The following ACVR1 variants were observed in gnomAD, a reference collection of about 807,000 sequenced individuals.
ACVR1 encodes the protein activin A receptor type 1.
A neutral mutation model predicts 57.1 loss-of-function variants in ACVR1; 38 were observed. The observed-to-expected ratio is 0.67, with a 90% CI of 0.51 to 0.87. The LOEUF is 0.87. Among genes scored for constraint, ACVR1 ranks in the 40% least tolerant of loss-of-function variants. ACVR1 has a pLI of 0.00. For synonymous variants in ACVR1, 212 were observed against 228.1 expected (o/e 0.93, Z 0.63); for missense variants, 463 against 638.2 (o/e 0.73, Z 2.96).
At chr2:157,826,759 A>AG (rs1399055413) in intron 1 of ACVR1, 6 of 102,266 alleles carry the variant, frequency 5.9e-5, no homozygotes, top group South Asian at 3.3e-4. Context: ...AGGAAAGGAA[A>AG]GGAAAGGAAA....
intron 1 of ACVR1, among the ~76,000 whole-genome samples, chr2:157,872,252 G>C (rs530861626): frequency 5.9e-5 from 9 of 152,302 alleles, no homozygotes; most frequent in African/African-American, 1.9e-4. Flanking sequence ...TAAAATTTCT[G>C]ATGGCTTTAT....
At position 157,742,435 on chromosome 2, in the gene ACVR1, G is replaced by A. The variant is rs761006363; in HGVS notation, c.1265-3865C>T. Among the ~76,000 whole-genome samples the A allele has an allele frequency of 7.2e-5, 11 of 152,154 alleles. No homozygotes were observed. The East Asian group carries it at 7.7e-4, about 11-fold the overall frequency. On this transcript the variant is annotated intron_variant, in intron 9 of 10. Transcript: ENST00000434821. ...CCAGGCCTCGCCTCCCATGTAAGGCGGCCAGCGTGACTCAAAGGGCCACGA... is the reference window on the plus strand; with the variant it reads ...CCAGGCCTCGCCTCCCATGTAAGGCAGCCAGCGTGACTCAAAGGGCCACGA...
chr2:157,758,011 TCCC>T (rs938921385), intron 9 of ACVR1, among the ~76,000 whole-genome samples: 4 of 150,734 alleles, frequency 2.7e-5, no homozygotes, highest in East Asian at 2.0e-4. Context: ...ACAGATTAAA[TCCC>T]CCCAATTAAA....
chr2:157,796,462 G>A (rs1253392920), intron 3 of ACVR1, among the ~76,000 whole-genome samples: 1 of 152,078 alleles, frequency 6.6e-6, no homozygotes, highest in African/African-American at 2.4e-5. Context: ...GCTGACGTAG[G>A]AGGATCACTT....
At chr2:157,825,129 A>T (rs16842126) in intron 1 of ACVR1, among the ~76,000 whole-genome samples, 6,753 of 152,180 alleles carry the variant, frequency 0.044, 330 homozygotes, top group African/African-American at 0.12. Flanking sequence ...GCCCACTGAA[A>T]TCTTTGATTA....
intron 1 of ACVR1, among the ~76,000 whole-genome samples, chr2:157,845,802 C>A (rs1689111591): frequency 6.6e-6 from 1 of 152,168 alleles, no homozygotes; most frequent in Non-Finnish European, 1.5e-5. Flanking sequence ...GGTTCAATAG[C>A]CATCTGAATG....
chr2:157,786,364 T>G (rs187238247), intron 3 of ACVR1, among the ~76,000 whole-genome samples: 1 of 152,312 alleles, frequency 6.6e-6, no homozygotes, highest in Non-Finnish European at 1.5e-5. Context: ...GAATATTTGC[T>G]TCAGAATGAA....
chr2:157,790,555 A>C (rs988901952), intron 3 of ACVR1, among the ~76,000 whole-genome samples: 1 of 152,246 alleles, frequency 6.6e-6, no homozygotes, highest in African/African-American at 2.4e-5. Flanking sequence ...TTCTGCTTTC[A>C]TAATAAAACT....
At chr2:157,842,815 T>G (rs1278708455) in intron 1 of ACVR1, among the ~76,000 whole-genome samples, 1 of 152,180 alleles carries the variant, frequency 6.6e-6, no homozygotes, top group African/African-American at 2.4e-5. Context: ...TCTAAAATAT[T>G]AACTCTGGGC....
At chr2:157,819,298 T>C (rs570854080) in intron 1 of ACVR1, 2 of 151,832 alleles carry the variant, frequency 1.3e-5, no homozygotes, top group African/African-American at 2.4e-5. Context: ...CTGGCCAATA[T>C]AGTGAAACCC....
intron 6 of ACVR1, 32 bp from the exon 7 acceptor site, chr2:157,770,546 C>G: frequency 6.2e-7 from 1 of 1,613,582 alleles, no homozygotes; most frequent in Non-Finnish European, 8.5e-7. Flanking sequence ...TGACACAGAA[C>G]AGTAGTCATT....
intron 1 of ACVR1, among the ~76,000 whole-genome samples, chr2:157,824,411 T>G (rs1331184858): frequency 6.6e-6 from 1 of 152,142 alleles, no homozygotes; most frequent in Non-Finnish European, 1.5e-5. Flanking sequence ...GAGGCTACAG[T>G]GAGCCATGTT....
At chr2:157,785,130 G>A (rs911598662) in intron 3 of ACVR1, among the ~76,000 whole-genome samples, 3 of 152,098 alleles carry the variant, frequency 2.0e-5, no homozygotes, top group African/African-American at 7.2e-5. Flanking sequence ...TAAACAAACC[G>A]GCCCATGGCC....
chr2:157,738,488 A>G lies in ACVR1; in HGVS notation c.1347T>C (p.Cys449=), dbSNP rs1420590444. The G allele has an allele frequency of 6.2e-7, 1 of 1,614,156 alleles. No individual in the cohort carries two copies. Among genetic ancestry groups the G allele is most frequent in the Non-Finnish European group, 8.5e-7 (1 of 1,179,990 alleles). ...PSFEDMRKVV[C]VDQQRPNIPN... ...GTATGTTTGGCCTTTGTTGATCCACACAGACTACCTTCCTCATATCTTCAA... is the reference window on the plus strand; with the variant it reads ...GTATGTTTGGCCTTTGTTGATCCACGCAGACTACCTTCCTCATATCTTCAA... The change falls in exon 10 of 11, where the codon TGT becomes TGC. Residue 449 remains cysteine (C), a synonymous_variant. Coordinates refer to ENST00000434821, the MANE Select transcript of ACVR1 (RefSeq NM_001111067.4).
At chr2:157,839,602 G>A (rs1387162447) in intron 1 of ACVR1, among the ~76,000 whole-genome samples, 2 of 152,284 alleles carry the variant, frequency 1.3e-5, no homozygotes, top group East Asian at 1.9e-4. Context: ...ATGTAATGGC[G>A]TACAGGGAAA....
chr2:157,777,971 C>T (rs1172715239), intron 5 of ACVR1, among the ~76,000 whole-genome samples, 160 bp downstream of exon 5: 2 of 152,172 alleles, frequency 1.3e-5, no homozygotes, highest in African/African-American at 4.8e-5. Flanking sequence ...GGGAAGACTA[C>T]ACAGGTGCCA....
At chr2:157,823,806 CAA>C (rs1187602359) in intron 1 of ACVR1, among the ~76,000 whole-genome samples, 1 of 152,084 alleles carries the variant, frequency 6.6e-6, no homozygotes, top group Admixed American at 6.6e-5. Flanking sequence ...TCTGTCCAGC[CAA>C]AGATTCATTT....
At position 157,737,498 on chromosome 2, in the gene ACVR1, C is replaced by T. The variant is rs372186308; in HGVS notation, c.*33G>A. The T allele has an allele frequency of 1.8e-4, 297 of 1,612,842 alleles. No individual in the cohort carries two copies. Among genetic ancestry groups the T allele is most frequent in the African/African-American group, 1.1e-3 (81 of 74,984 alleles). On this transcript the variant is annotated 3_prime_UTR_variant, in exon 11 of 11. Transcript: ENST00000434821. ...GGTCCCAGCTGGACAATGACAACAA[C>T]GTCAAATCTTCCTTCTTGACACTAT... is the stretch of plus-strand genomic sequence containing the variant.
intron 3 of ACVR1, among the ~76,000 whole-genome samples, chr2:157,789,903 C>G (rs1405735699): frequency 6.6e-6 from 1 of 152,202 alleles, no homozygotes; most frequent in African/African-American, 2.4e-5. Context: ...TTTAGGAAAG[C>G]CTTTCTCTCA....
Sources: allele counts gnomAD v4.1 joint callset (sites outside exome capture counted in the v4.1 genomes callset), GRCh38; gene constraint gnomAD v4.1.1; transcripts MANE v1.5; gene names NCBI Gene and HGNC (gene_info 2026-07-23, HGNC 2026-07-21).